Variants in ATP2C1 observed in about 807,000 individuals in gnomAD.
ATP2C1 encodes ATPase secretory pathway Ca2+ transporting 1, also known as calcium-transporting ATPase type 2C member 1.
Under a neutral mutation model 120.5 loss-of-function variants are expected in ATP2C1, and 31 were observed. That is an observed-to-expected ratio of 0.26 (90% confidence interval 0.19 to 0.35). The LOEUF is 0.35. Ranked by LOEUF, ATP2C1 falls within the 10% of genes least tolerant of loss-of-function variation. The pLI, the probability that ATP2C1 is intolerant of heterozygous loss-of-function variation, is 1.00. For missense variants in ATP2C1, 731 were observed against 1,107.5 expected (o/e 0.66, Z 4.83); for synonymous variants, 351 against 358.7 (o/e 0.98, Z 0.24).
chr3:131,014,313 CT>C, intron 26 of ATP2C1: 1 of 1,613,848 alleles, frequency 6.2e-7, no homozygotes, highest in Middle Eastern at 1.7e-4. Flanking sequence ...AGGACATATG[CT>C]CAGGAGACTT....
downstream of ATP2C1, among the ~76,000 whole-genome samples, chr3:131,006,093 T>G (rs186661299): frequency 1.6e-4 from 25 of 152,178 alleles, no homozygotes; most frequent in East Asian, 4.6e-3. Context: ...GGCAGAAGAG[T>G]AGAAAACAAT....
At chr3:130,967,701 A>T (rs2061111478) in intron 16 of ATP2C1, among the ~76,000 whole-genome samples, 2 of 152,220 alleles carry the variant, frequency 1.3e-5, no homozygotes, top group South Asian at 4.1e-4. Flanking sequence ...GTTGAGATCT[A>T]CATGTGAAAT....
chr3:130,930,400 TG>T lies in ATP2C1; in HGVS notation c.7-14del. ...TTGCTATATTCAAATATTTTTTCTT[TG>T]GTTTTACTTCCTAGGTTGCACGTTT... On this transcript the variant is annotated splice_polypyrimidine_tract_variant and intron_variant, in intron 2 of 27. Transcript: ENST00000510168. 6.6e-7 allele frequency: 1 copy of T among 1,507,478 alleles called. No homozygotes were observed. The highest frequency in any genetic ancestry group is 1.1e-5 in the South Asian group (1 of 88,832). The allele number at this position is 1,507,478 out of a possible 1,614,324, so 93.4% of individuals were successfully genotyped here.
At chr3:130,885,824 C>T (rs1466260753) in intron 1 of ATP2C1, among the ~76,000 whole-genome samples, 1 of 152,112 alleles carries the variant, frequency 6.6e-6, no homozygotes, top group Non-Finnish European at 1.5e-5. Context: ...TATGTGCTTA[C>T]TATTACCAGC....
chr3:130,977,430 A>G, intron 18 of ATP2C1, among the ~76,000 whole-genome samples: 1 of 152,162 alleles, frequency 6.6e-6, no homozygotes, highest in Non-Finnish European at 1.5e-5. Context: ...TAAAGCATTA[A>G]AAGAGTGGAG....
intron 2 of ATP2C1, chr3:130,918,588 T>C (rs1559921172): frequency 1.1e-5 from 8 of 718,954 alleles, no homozygotes; most frequent in South Asian, 1.4e-5. Context: ...CCATAAACTG[T>C]AGCCTTTTGG....
At chr3:130,947,605 T>A (rs1014973205) in intron 8 of ATP2C1, among the ~76,000 whole-genome samples, 1 of 152,228 alleles carries the variant, frequency 6.6e-6, no homozygotes, top group African/African-American at 2.4e-5. Flanking sequence ...TCATTGTTTT[T>A]TACTGCCAAA....
chr3:131,011,117 C>G (rs1199227518), intron 26 of ATP2C1, among the ~76,000 whole-genome samples: 2 of 152,098 alleles, frequency 1.3e-5, no homozygotes, highest in Non-Finnish European at 1.5e-5. Context: ...GGCTTTTTAG[C>G]TATGGTCTTT....
intron 2 of ATP2C1, among the ~76,000 whole-genome samples, chr3:130,916,133 C>T (rs969263370): frequency 6.6e-6 from 1 of 151,934 alleles, no homozygotes; most frequent in Non-Finnish European, 1.5e-5. Flanking sequence ...AGGCCAGGCA[C>T]AGTGGCTCAC....
At chr3:130,925,638 C>G (rs1007668894) in intron 2 of ATP2C1, among the ~76,000 whole-genome samples, 11 of 152,102 alleles carry the variant, frequency 7.2e-5, no homozygotes, top group African/African-American at 2.4e-4. Context: ...GACACTTGGT[C>G]AAGTATTCAG....
intron 17 of ATP2C1, among the ~76,000 whole-genome samples, chr3:130,970,369 T>C (rs372471072): frequency 2.3e-5 from 3 of 130,728 alleles, no homozygotes; most frequent in African/African-American, 5.8e-5. Flanking sequence ...AAAAAAAAAT[T>C]ACACACACAC....
chr3:130,908,363 C>T (rs1232070177), intron 2 of ATP2C1, among the ~76,000 whole-genome samples: 2 of 151,898 alleles, frequency 1.3e-5, no homozygotes, highest in Non-Finnish European at 2.9e-5. Flanking sequence ...CAATGAAATG[C>T]CCTGTGAGCC....
chr3:130,956,267 GCTTTT>G (rs1017434067), intron 11 of ATP2C1, 88 bp downstream of exon 11: 14 of 762,954 alleles, frequency 1.8e-5, no homozygotes, highest in African/African-American at 1.6e-4. Flanking sequence ...TTATTTATTG[GCTTTT>G]CTTTTTTTTA....
rs776144342 is a variant in ATP2C1, at chr3:130,994,030, G to C, written c.1989G>C (p.Gln663His). The C allele has an allele frequency of 6.2e-7, 1 of 1,614,130 alleles. No individual in the cohort carries two copies. The highest frequency in any genetic ancestry group is 1.7e-5 in the Admixed American group (1 of 60,022). ...KAADIGVAMGQTGTDVCKEAA... is the reference protein window; with the variant it reads ...KAADIGVAMGHTGTDVCKEAA... The stretch of plus-strand genomic sequence containing the variant: ...CAGACATTGGAGTTGCGATGGGCCA[G>C]ACTGGTACAGATGTTTGCAAAGAGG... Residue 663 changes from glutamine (Q) to histidine (H), a missense_variant, in exon 22 of 28, where the codon CAG (glutamine) becomes CAC (histidine). This residue lies in a region of ATP2C1 where 571 missense variants were observed against 845.9 expected (regional missense o/e 0.67). Coordinates refer to ENST00000510168, the MANE Select transcript of ATP2C1 (RefSeq NM_001378687.1).
At chr3:130,912,477 A>C (rs2058473252) in intron 2 of ATP2C1, among the ~76,000 whole-genome samples, 1 of 149,580 alleles carries the variant, frequency 6.7e-6, no homozygotes, top group Non-Finnish European at 1.5e-5. Context: ...GAAGACATTT[A>C]TGCAGCCAAA....
In ATP2C1 at chr3:130,938,428, G is replaced by A. The variant is rs376155993; in HGVS notation, c.360+965G>A. On this transcript the variant is annotated intron_variant, in intron 6 of 27. Coordinates refer to ENST00000510168, the MANE Select transcript of ATP2C1 (RefSeq NM_001378687.1). ...TGAAGCCTATACTTTGAATAACTAT[G>A]GTTGTTCTTACATCTACGATTTATT... Among the ~76,000 whole-genome samples the A allele has an allele frequency of 3.9e-5, 6 of 152,300 alleles. No individual in the cohort carries two copies. In the East Asian group the frequency reaches 7.7e-4, roughly 20 times the overall value.
chr3:131,013,225 C>T (rs1422349711), intron 26 of ATP2C1, among the ~76,000 whole-genome samples: 2 of 152,146 alleles, frequency 1.3e-5, no homozygotes, highest in Non-Finnish European at 2.9e-5. Context: ...CAGAGCAGTA[C>T]CTTTTAAACT....
intron 23 of ATP2C1, chr3:130,996,359 C>A: frequency 1.7e-6 from 1 of 579,104 alleles, no homozygotes; most frequent in South Asian, 2.1e-5. Flanking sequence ...TAATAGCTCA[C>A]ATCTCATTGT....
intron 5 of ATP2C1, among the ~76,000 whole-genome samples, 188 bp downstream of exon 5, chr3:130,934,899 T>A (rs139506222): frequency 6.6e-6 from 1 of 152,316 alleles, no homozygotes; most frequent in East Asian, 1.9e-4. Flanking sequence ...AGTGGTATAG[T>A]CATGACTCAC....
Sources: gnomAD v4.1 joint callset for allele counts (sites outside exome capture counted in the v4.1 genomes callset) on GRCh38, gnomAD v4.1.1 for gene constraint, gnomAD v4.1.1 regional missense constraint, MANE v1.5 for transcripts, NCBI Gene and HGNC (gene_info 2026-07-23, HGNC 2026-07-21) for gene names.